CNTNAP2: variants seen among roughly 807,000 people sequenced by gnomAD.
CNTNAP2 encodes the protein contactin-associated protein-like 2.
Under a neutral mutation model 155.2 loss-of-function variants are expected in CNTNAP2, and 98 were observed. The observed-to-expected ratio is 0.63, with a 90% CI of 0.54 to 0.75. The LOEUF (loss-of-function observed/expected upper bound fraction) is 0.75, where lower values mean the gene tolerates loss of function less well. Among genes scored for constraint, CNTNAP2 ranks in the 30% least tolerant of loss-of-function variants. The pLI, the probability that CNTNAP2 is intolerant of heterozygous loss-of-function variation, is 0.00. For missense variants in CNTNAP2, 1,727 were observed against 1,688.1 expected (o/e 1.02, Z -0.40); for synonymous variants, 651 against 631.2 (o/e 1.03, Z -0.47).
At chr7:147,103,975 C>T (rs2129278428) in intron 4 of CNTNAP2, among the ~76,000 whole-genome samples, 2 of 152,104 alleles carry the variant, frequency 1.3e-5, no homozygotes, top group Admixed American at 1.3e-4. Flanking sequence ...GGCATCATAA[C>T]TAAATGCAAT....
In CNTNAP2 at chr7:146,895,927, G is replaced by A. The variant is rs556883770; in HGVS notation, c.402+56023G>A. Among the ~76,000 whole-genome samples the A allele has an allele frequency of 1.8e-4, 27 of 152,056 alleles. 1 individual carries two copies. Among genetic ancestry groups the A allele is most frequent in the Non-Finnish European group, 3.1e-4 (21 of 67,990 alleles). ...TTTACTAAAGTATCTTTCTGTGGAGGATTATTATAAAATATTGCATTTTCT... is the reference window on the plus strand; with the variant it reads ...TTTACTAAAGTATCTTTCTGTGGAGAATTATTATAAAATATTGCATTTTCT... On this transcript the variant is annotated intron_variant, in intron 3 of 23. Coordinates refer to ENST00000361727, the MANE Select transcript of CNTNAP2 (RefSeq NM_014141.6).
intron 8 of CNTNAP2, among the ~76,000 whole-genome samples, chr7:147,174,358 A>G (rs771608622): frequency 1.2e-4 from 18 of 152,106 alleles, no homozygotes; most frequent in Non-Finnish European, 1.8e-4. Context: ...CATTCTTTCA[A>G]TCCTTCCTAA....
At chr7:147,411,255 A>G (rs184283073) in intron 10 of CNTNAP2, among the ~76,000 whole-genome samples, 460 of 152,120 alleles carry the variant, frequency 3.0e-3, no homozygotes, top group Non-Finnish European at 5.1e-3. Flanking sequence ...ATTCAATGGG[A>G]AAAAAAATGT....
At chr7:148,172,590 G>A (rs1370128959) in intron 18 of CNTNAP2, 112 bp downstream of exon 18, 2 of 1,003,984 alleles carry the variant, frequency 2.0e-6, no homozygotes, top group Non-Finnish European at 3.1e-6. Context: ...AGGTTAAGAT[G>A]ATCAGAATTT....
intron 1 of CNTNAP2, among the ~76,000 whole-genome samples, chr7:146,228,149 G>A (rs1441049181): frequency 6.6e-6 from 1 of 152,160 alleles, no homozygotes; most frequent in Non-Finnish European, 1.5e-5. Flanking sequence ...AAGCACTATA[G>A]CGTTATAGCT....
intron 9 of CNTNAP2, among the ~76,000 whole-genome samples, chr7:147,334,848 A>G (rs1795639026): frequency 1.3e-5 from 2 of 152,200 alleles, no homozygotes; most frequent in Admixed American, 6.5e-5. Context: ...ACAAAGATAC[A>G]TATAGGGATA....
intron 1 of CNTNAP2, among the ~76,000 whole-genome samples, chr7:146,251,633 G>GA (rs531124640): frequency 3.9e-4 from 59 of 152,182 alleles, no homozygotes; most frequent in African/African-American, 1.4e-3. Flanking sequence ...TTTCAACTTT[G>GA]AAAAATGGGG....
At chr7:146,477,039 T>C (rs1309838623) in intron 1 of CNTNAP2, among the ~76,000 whole-genome samples, 2 of 152,322 alleles carry the variant, frequency 1.3e-5, no homozygotes, top group African/African-American at 4.8e-5. Flanking sequence ...ACACTTGAGT[T>C]GCAAAGAATT....
intron 1 of CNTNAP2, among the ~76,000 whole-genome samples, chr7:146,131,211 A>T (rs1054969263): frequency 5.3e-5 from 8 of 152,168 alleles, no homozygotes; most frequent in Non-Finnish European, 8.8e-5. Context: ...TCCCCTTGGC[A>T]TTACTATGTT....
At chr7:147,608,870 T>A (rs909546633) in intron 12 of CNTNAP2, among the ~76,000 whole-genome samples, 4 of 151,666 alleles carry the variant, frequency 2.6e-5, no homozygotes, top group South Asian at 4.2e-4. Context: ...AGTGGAAAAT[T>A]ACAGTCAAAG....
chr7:147,968,269 C>A (rs552080701), intron 14 of CNTNAP2, among the ~76,000 whole-genome samples: 1 of 152,308 alleles, frequency 6.6e-6, no homozygotes, highest in South Asian at 2.1e-4. Context: ...CTAAATTGAA[C>A]AGATAATTGT....
chr7:148,059,359 G>A (rs1430177689), intron 15 of CNTNAP2, among the ~76,000 whole-genome samples: 1 of 151,936 alleles, frequency 6.6e-6, no homozygotes, highest in Admixed American at 6.6e-5. Context: ...TGGAGGCTGA[G>A]CAGACTAGGA....
intron 20 of CNTNAP2, among the ~76,000 whole-genome samples, chr7:148,232,046 G>A (rs1461517745): frequency 6.6e-6 from 1 of 152,196 alleles, no homozygotes; most frequent in African/African-American, 2.4e-5. Flanking sequence ...GTAACTGACT[G>A]CAGTAAGATT....
chr7:147,042,774 T>C (rs1799284437), intron 3 of CNTNAP2, among the ~76,000 whole-genome samples: 1 of 152,118 alleles, frequency 6.6e-6, no homozygotes, highest in African/African-American at 2.4e-5. Context: ...TGTATGATTT[T>C]AAGATAATTT....
chr7:146,911,570 A>G (rs1217828893), intron 3 of CNTNAP2, among the ~76,000 whole-genome samples: 3 of 148,662 alleles, frequency 2.0e-5, no homozygotes, highest in Middle Eastern at 3.4e-3. Context: ...AAAACCAAAC[A>G]CCGTATATTC....
At chr7:146,993,308 T>C (rs1798243730) in intron 3 of CNTNAP2, among the ~76,000 whole-genome samples, 1 of 151,886 alleles carries the variant, frequency 6.6e-6, no homozygotes, top group African/African-American at 2.4e-5. Flanking sequence ...ACTTGGGAGG[T>C]GAGCAAGTGC....
At chr7:146,959,849 T>C (rs1008834523) in intron 3 of CNTNAP2, among the ~76,000 whole-genome samples, 4 of 151,922 alleles carry the variant, frequency 2.6e-5, no homozygotes, top group Non-Finnish European at 4.4e-5. Context: ...GCACAGAATA[T>C]GGGACTTAGA....
At chr7:148,394,075 T>C (rs748755918) in intron 22 of CNTNAP2, among the ~76,000 whole-genome samples, 1 of 152,162 alleles carries the variant, frequency 6.6e-6, no homozygotes, top group East Asian at 1.9e-4. Context: ...AAGTGTTTTA[T>C]GGCTTTTGGG....
chr7:146,235,076 A>T (rs965558386), intron 1 of CNTNAP2, among the ~76,000 whole-genome samples: 1 of 152,228 alleles, frequency 6.6e-6, no homozygotes, highest in Non-Finnish European at 1.5e-5. Context: ...GAGAAGGAAG[A>T]GGCAAAGGCA....
Sources: allele counts gnomAD v4.1 joint callset (sites outside exome capture counted in the v4.1 genomes callset), GRCh38; gene constraint gnomAD v4.1.1; transcripts MANE v1.5; gene names NCBI Gene and HGNC (gene_info 2026-07-23, HGNC 2026-07-21).